BBIP1: variants seen among roughly 807,000 people sequenced by gnomAD.
BBIP1 encodes the protein BBSome interacting protein 1, also known as BBSome-interacting protein 1.
In BBIP1, 6 loss-of-function variants were observed where a neutral mutation model predicts 8.9. The ratio of observed to expected loss-of-function variants is 0.67; its 90% confidence interval spans 0.37 to 1.33. The LOEUF (loss-of-function observed/expected upper bound fraction) is 1.33, where lower values mean the gene tolerates loss of function less well. Ranked by LOEUF, BBIP1 falls within the 40% of genes most tolerant of loss-of-function variation. The pLI, the probability that BBIP1 is intolerant of heterozygous loss-of-function variation, is 0.02. For synonymous variants in BBIP1, 32 were observed against 33.4 expected, an observed-to-expected ratio of 0.96 and a Z score of 0.14; for missense variants, 111 against 109.2, an observed-to-expected ratio of 1.02 and a Z score of -0.07.
chr10:110,909,191 T>A (rs1164771950), intron 2 of BBIP1, among the ~76,000 whole-genome samples: 2 of 144,672 alleles, frequency 1.4e-5, no homozygotes, highest in Non-Finnish European at 3.1e-5. Context: ...AATTTTGTTA[T>A]GAAAAAGTTG....
chr10:110,907,525 AAAAAAG>A (rs1208620210), intron 2 of BBIP1: 3 of 497,620 alleles, frequency 6.0e-6, no homozygotes, highest in East Asian at 3.3e-5. Context: ...GAAAAAAAAA[AAAAAAG>A]AAAAGAAAAG....
At chr10:110,918,945 C>G (rs889151379) in intron 1 of BBIP1, 176 bp downstream of exon 1, 2 of 152,406 alleles carry the variant, frequency 1.3e-5, no homozygotes, top group African/African-American at 4.8e-5. Flanking sequence ...GTGCCAAATG[C>G]AACTTCCGGG....
intron 2 of BBIP1, among the ~76,000 whole-genome samples, chr10:110,908,916 G>A (rs1186415529): frequency 6.6e-6 from 1 of 152,154 alleles, no homozygotes; most frequent in Non-Finnish European, 1.5e-5. Flanking sequence ...AGAATGACCT[G>A]AACAGATCTA....
chr10:110,909,366 T>C (rs1846218979), intron 2 of BBIP1, among the ~76,000 whole-genome samples: 1 of 152,078 alleles, frequency 6.6e-6, no homozygotes, highest in Non-Finnish European at 1.5e-5. Flanking sequence ...AGCTAATTTT[T>C]TGTATTTTTA....
At chr10:110,907,061 A>G (rs1846161442) in intron 2 of BBIP1, 1 of 152,248 alleles carries the variant, frequency 6.6e-6, no homozygotes, top group South Asian at 2.1e-4. Context: ...CAGAAGCACT[A>G]CTTACTTAAT....
intron 2 of BBIP1, among the ~76,000 whole-genome samples, chr10:110,915,827 T>C (rs1228100796): frequency 6.6e-6 from 1 of 152,098 alleles, no homozygotes; most frequent in Non-Finnish European, 1.5e-5. Flanking sequence ...CCTCAGCCTC[T>C]TGAGTAGCTG....
chr10:110,909,441 G>A (rs1335512084), intron 2 of BBIP1, among the ~76,000 whole-genome samples: 10 of 152,104 alleles, frequency 6.6e-5, no homozygotes, highest in African/African-American at 1.7e-4. Context: ...TGATCCACCC[G>A]CCTTGGCCTC....
At chr10:110,910,150 G>T (rs1174674207) in intron 2 of BBIP1, among the ~76,000 whole-genome samples, 1 of 152,228 alleles carries the variant, frequency 6.6e-6, no homozygotes, top group Non-Finnish European at 1.5e-5. Flanking sequence ...TGACATTGGA[G>T]CTAGTCCCAG....
intron 2 of BBIP1, chr10:110,912,109 G>A (rs915645915): frequency 6.6e-5 from 10 of 151,430 alleles, no homozygotes; most frequent in South Asian, 4.2e-4. Context: ...CTGTGTCACA[G>A]TCGGACCAAT....
intron 2 of BBIP1, chr10:110,902,695 G>C (rs1428608354): frequency 1.3e-5 from 2 of 152,176 alleles, no homozygotes; most frequent in African/African-American, 4.8e-5. Flanking sequence ...GAACGTCTAA[G>C]TTCCTGAAAA....
chr10:110,903,390 G>A (rs1287413433), intron 2 of BBIP1: 1 of 152,302 alleles, frequency 6.6e-6, no homozygotes, highest in Non-Finnish European at 1.5e-5. Context: ...TGGAGCCAAA[G>A]GGATGGTAGG....
intron 2 of BBIP1, chr10:110,901,829 C>A (rs540817542): frequency 7.7e-6 from 4 of 521,422 alleles, no homozygotes; most frequent in East Asian, 3.3e-5. Flanking sequence ...GTGTTAACTA[C>A]AAGGCTAGGT....
chr10:110,908,152 G>A (rs193201581), intron 2 of BBIP1: 2 of 162,676 alleles, frequency 1.2e-5, no homozygotes, highest in Non-Finnish European at 2.7e-5. Flanking sequence ...TCTTCTGAAT[G>A]TAACACTTAT....
chr10:110,914,604 C>T (rs1292686478), intron 2 of BBIP1, among the ~76,000 whole-genome samples: 9 of 152,180 alleles, frequency 5.9e-5, no homozygotes, highest in Admixed American at 5.9e-4. Flanking sequence ...TAACATATGA[C>T]ATCATATGTC....
chr10:110,901,462 G>T, intron 3 of BBIP1, 76 bp downstream of exon 3: 2 of 1,006,522 alleles, frequency 2.0e-6, no homozygotes, highest in Non-Finnish European at 3.0e-6. Flanking sequence ...TAGCTATTAA[G>T]CCTGCTATGT....
At chr10:110,906,524 A>C (rs1034996189) in intron 2 of BBIP1, 1 of 152,094 alleles carries the variant, frequency 6.6e-6, no homozygotes, top group Non-Finnish European at 1.5e-5. Context: ...GTTCACGTAT[A>C]TACATGGCTG....
intron 2 of BBIP1, chr10:110,911,364 C>G (rs2134039223): frequency 6.6e-6 from 1 of 152,230 alleles, no homozygotes; most frequent in South Asian, 2.1e-4. Context: ...GTTTAAATGT[C>G]AGGACATTTA....
chr10:110,899,454 A>G lies in BBIP1; in HGVS notation c.*906T>C, dbSNP rs543427963. On this transcript the variant is annotated 3_prime_UTR_variant, in exon 4 of 4. Coordinates refer to ENST00000448814, the MANE Select transcript of BBIP1 (RefSeq NM_001195305.3). ...TTTTATTCTCAAGTGCTTAAAATTA[A>G]TGTAATTAAAAGCTTAGCTGACTAC... is the stretch of plus-strand genomic sequence containing the variant. The G allele has an allele frequency of 6.6e-6, 1 of 152,314 alleles. No individual in the cohort carries two copies. Among genetic ancestry groups the G allele is most frequent in the African/African-American group, 2.4e-5 (1 of 41,566 alleles). 9.4% of individuals were successfully genotyped at this position (152,314 alleles called of 1,614,324 possible).
intron 2 of BBIP1, chr10:110,908,005 C>A: frequency 2.2e-6 from 1 of 452,486 alleles, no homozygotes. Context: ...CCAGTATTGC[C>A]TAGAACACAC....
Sources: gnomAD v4.1 joint callset for allele counts (sites outside exome capture counted in the v4.1 genomes callset) on GRCh38, gnomAD v4.1.1 for gene constraint, MANE v1.5 for transcripts, NCBI Gene and HGNC (gene_info 2026-07-23, HGNC 2026-07-21) for gene names.